The following LRRTM4 variants were observed in gnomAD, a reference collection of about 807,000 sequenced individuals.
LRRTM4 encodes leucine rich repeat transmembrane neuronal 4.
A neutral mutation model predicts 47.6 loss-of-function variants in LRRTM4; 25 were observed. That is an observed-to-expected ratio of 0.53 (90% CI 0.38 to 0.73). The LOEUF (loss-of-function observed/expected upper bound fraction) is 0.73. LRRTM4 is among the 30% of genes least tolerant of loss of function. The pLI is 0.00. For synonymous variants in LRRTM4, 311 were observed against 269.5 expected (o/e 1.15, Z -1.51); for missense variants, 638 against 713.4 (o/e 0.89, Z 1.20).
chr2:76,813,254 C>T (rs1670798819), intron 3 of LRRTM4, among the ~76,000 whole-genome samples: 1 of 152,138 alleles, frequency 6.6e-6, no homozygotes, highest in Non-Finnish European at 1.5e-5. Context: ...CAGGAAATCA[C>T]CCCACTGGGG....
chr2:76,981,919 G>GT lies in LRRTM4; in HGVS notation c.1552-233004dup, dbSNP rs568410840. 1.3e-3 allele frequency among the ~76,000 whole-genome samples: 199 copies of GT among 152,138 alleles called. 2 individuals are homozygous for GT. Among genetic ancestry groups the GT allele is most frequent in the Non-Finnish European group, 2.4e-3 (164 of 67,972 alleles). Reference sequence around the variant, plus strand: ...ATATAAATCTTGTGTGGTTTGAGGAGTCTCAGTTTCTGGAATTGATCAATT... The same window carrying GT: ...ATATAAATCTTGTGTGGTTTGAGGAGTTCTCAGTTTCTGGAATTGATCAATT... On this transcript the variant is annotated intron_variant, in intron 3 of 3. Coordinates refer to ENST00000409884, the MANE Select transcript of LRRTM4 (RefSeq NM_001134745.3).
intron 3 of LRRTM4, among the ~76,000 whole-genome samples, chr2:77,147,196 C>A (rs1462004364): frequency 1.3e-5 from 2 of 152,100 alleles, no homozygotes; most frequent in East Asian, 1.9e-4. Context: ...TTTAGACCTG[C>A]AGTTCATTGC....
chr2:77,518,107 C>A (rs1679291355), intron 3 of LRRTM4: 1 of 1,266,878 alleles, frequency 7.9e-7, no homozygotes. Context: ...CTTGAATGAA[C>A]TTCCTTCAAG....
At chr2:76,908,246 A>G (rs1673920771) in intron 3 of LRRTM4, among the ~76,000 whole-genome samples, 1 of 152,048 alleles carries the variant, frequency 6.6e-6, no homozygotes, top group South Asian at 2.1e-4. Flanking sequence ...CAAAAACCAC[A>G]TGATTATCTC....
At chr2:77,467,349 T>C (rs1299844070) in intron 3 of LRRTM4, among the ~76,000 whole-genome samples, 1 of 152,122 alleles carries the variant, frequency 6.6e-6, no homozygotes, top group East Asian at 1.9e-4. Flanking sequence ...GACATCTCTG[T>C]CATGCAGGAC....
At chr2:77,497,869 C>A (rs1480677185) in intron 3 of LRRTM4, among the ~76,000 whole-genome samples, 1 of 151,438 alleles carries the variant, frequency 6.6e-6, no homozygotes, top group African/African-American at 2.4e-5. Flanking sequence ...TAATAGCTAC[C>A]ATGTGTTAAG....
chr2:77,511,633 T>A (rs1386734698), intron 3 of LRRTM4, among the ~76,000 whole-genome samples: 1 of 151,992 alleles, frequency 6.6e-6, no homozygotes, highest in African/African-American at 2.4e-5. Context: ...TGGTATTTAT[T>A]ATTATTGTTT....
chr2:77,499,196 C>A (rs1678477649), intron 3 of LRRTM4, among the ~76,000 whole-genome samples: 1 of 151,850 alleles, frequency 6.6e-6, no homozygotes, highest in Non-Finnish European at 1.5e-5. Context: ...TGAATAGAGG[C>A]AAGGCATGTT....
At chr2:77,178,873 T>C (rs1188110048) in intron 3 of LRRTM4, among the ~76,000 whole-genome samples, 1 of 152,174 alleles carries the variant, frequency 6.6e-6, no homozygotes, top group East Asian at 1.9e-4. Context: ...TATTGTCAAA[T>C]TGCTCTCAAA....
At chr2:77,472,667 GGCTACTGCGT>G (rs1415536315) in intron 3 of LRRTM4, among the ~76,000 whole-genome samples, 1 of 151,906 alleles carries the variant, frequency 6.6e-6, no homozygotes, top group African/African-American at 2.4e-5. Flanking sequence ...ATGTTGTAGG[GGCTACTGCGT>G]GCATTCTACA....
intron 3 of LRRTM4, among the ~76,000 whole-genome samples, chr2:76,963,826 A>G (rs1416051167): frequency 2.7e-5 from 4 of 150,748 alleles, no homozygotes; most frequent in Non-Finnish European, 6.0e-5. Context: ...TTAATGGCAG[A>G]TAAACATTTA....
intron 3 of LRRTM4, among the ~76,000 whole-genome samples, chr2:77,376,775 A>T (rs1451843381): frequency 6.6e-6 from 1 of 151,916 alleles, no homozygotes; most frequent in African/African-American, 2.4e-5. Context: ...CACATTTCTG[A>T]GGTAATATAT....
At chr2:77,355,013 T>C (rs1669846946) in intron 3 of LRRTM4, among the ~76,000 whole-genome samples, 2 of 152,180 alleles carry the variant, frequency 1.3e-5, no homozygotes, top group Admixed American at 6.5e-5. Context: ...CATCACTCTG[T>C]AAAATCCTCT....
intron 3 of LRRTM4, among the ~76,000 whole-genome samples, chr2:76,778,268 G>C (rs369466835): frequency 6.9e-6 from 1 of 144,746 alleles, no homozygotes; most frequent in African/African-American, 2.7e-5. Context: ...GATGATGCTG[G>C]CCTCATAAAA....
chr2:77,405,039 A>G (rs1674128793), intron 3 of LRRTM4, among the ~76,000 whole-genome samples: 1 of 152,076 alleles, frequency 6.6e-6, no homozygotes, highest in Middle Eastern at 3.2e-3. Flanking sequence ...AAATTTATAA[A>G]CTTATTAAAC....
intron 3 of LRRTM4, among the ~76,000 whole-genome samples, chr2:77,362,166 A>AAGGAAGGAAGGAAGGAAGGAAGG (rs1558707453): frequency 6.3e-4 from 69 of 110,320 alleles, no homozygotes; most frequent in African/African-American, 3.3e-3. Flanking sequence ...AGAAAGAAAG[A>AAGGAAGGAAGGAAGGAAGGAAGG]AAGAAAGGAA....
intron 3 of LRRTM4, among the ~76,000 whole-genome samples, chr2:77,152,187 T>C (rs1373686835): frequency 3.9e-5 from 6 of 152,196 alleles, no homozygotes; most frequent in African/African-American, 4.8e-5. Flanking sequence ...TGTGAACTAC[T>C]GTCTCATGGA....
chr2:77,372,742 T>G (rs1342607221), intron 3 of LRRTM4, among the ~76,000 whole-genome samples: 2 of 151,822 alleles, frequency 1.3e-5, no homozygotes, highest in Middle Eastern at 3.4e-3. Flanking sequence ...TATTTCATTT[T>G]AAGCCAAGAC....
At chr2:76,967,663 G>A (rs1302036951) in intron 3 of LRRTM4, among the ~76,000 whole-genome samples, 2 of 151,596 alleles carry the variant, frequency 1.3e-5, no homozygotes, top group East Asian at 2.0e-4. Flanking sequence ...TGCTCTCAAC[G>A]CATGAGGATT....
Sources: allele counts gnomAD v4.1 joint callset (sites outside exome capture counted in the v4.1 genomes callset), GRCh38; gene constraint gnomAD v4.1.1; transcripts MANE v1.5; gene names NCBI Gene and HGNC (gene_info 2026-07-23, HGNC 2026-07-21).